PCCA: variants seen among roughly 807,000 people sequenced by gnomAD.
PCCA encodes propionyl-CoA carboxylase subunit alpha, also known as propionyl-CoA carboxylase alpha chain, mitochondrial.
A neutral mutation model predicts 101.3 loss-of-function variants in PCCA; 74 were observed. The observed-to-expected ratio is 0.73, with a 90% CI of 0.61 to 0.89. The LOEUF (loss-of-function observed/expected upper bound fraction) is 0.89, where lower values mean the gene tolerates loss of function less well. Among genes scored for constraint, PCCA ranks in the 40% least tolerant of loss-of-function variants. The pLI is 0.00. For missense variants in PCCA, 891 were observed against 907.0 expected (o/e 0.98, Z 0.23); for synonymous variants, 294 against 313.6 (o/e 0.94, Z 0.66).
chr13:100,480,941 C>CT (rs2083863117), intron 21 of PCCA: 1 of 152,284 alleles, frequency 6.6e-6, no homozygotes, highest in Admixed American at 6.5e-5. Flanking sequence ...CAGGGGATGC[C>CT]TAAGACTGCG....
chr13:100,483,433 A>T (rs1043385334), intron 21 of PCCA, among the ~76,000 whole-genome samples: 4 of 152,182 alleles, frequency 2.6e-5, no homozygotes, highest in African/African-American at 9.7e-5. Flanking sequence ...ATGGGCCAGG[A>T]TTCTTCCATT....
At chr13:100,523,259 G>A (rs2087454526) in intron 22 of PCCA, among the ~76,000 whole-genome samples, 1 of 152,158 alleles carries the variant, frequency 6.6e-6, no homozygotes, top group South Asian at 2.1e-4. Flanking sequence ...TAAATCATTA[G>A]CACAACAAAG....
chr13:100,178,030 G>A (rs77345696), intron 6 of PCCA, among the ~76,000 whole-genome samples: 2,942 of 152,224 alleles, frequency 0.019, 38 homozygotes, highest in South Asian at 0.033. Context: ...CAACATTTCT[G>A]GGATGAGTTT....
intron 18 of PCCA, among the ~76,000 whole-genome samples, chr13:100,341,502 C>G (rs372045834): frequency 6.6e-6 from 1 of 152,144 alleles, no homozygotes; most frequent in South Asian, 2.1e-4. Flanking sequence ...TCAAAGTTAC[C>G]GGAAACGTGG....
chr13:100,167,340 A>G (rs2055149312), intron 6 of PCCA, among the ~76,000 whole-genome samples: 1 of 152,062 alleles, frequency 6.6e-6, no homozygotes. Context: ...CTTGAGTCCA[A>G]GAGTTCCAGA....
intron 12 of PCCA, among the ~76,000 whole-genome samples, chr13:100,291,002 A>T (rs888450587): frequency 9.9e-5 from 15 of 152,262 alleles, no homozygotes; most frequent in African/African-American, 2.9e-4. Flanking sequence ...ATTTAAAAAT[A>T]AAATGAAAAT....
intron 7 of PCCA, among the ~76,000 whole-genome samples, chr13:100,228,856 C>T (rs1460299988): frequency 1.3e-5 from 2 of 148,568 alleles, no homozygotes; most frequent in African/African-American, 2.5e-5. Context: ...GCGGGGATCG[C>T]TCCATTGCAC....
At chr13:100,382,083 C>T (rs1464025118) in intron 19 of PCCA, among the ~76,000 whole-genome samples, 5 of 152,204 alleles carry the variant, frequency 3.3e-5, no homozygotes, top group South Asian at 2.1e-4. Context: ...AAAGGGCCAG[C>T]GTAACAACCT....
chr13:100,164,258 G>C (rs928072509), intron 6 of PCCA, among the ~76,000 whole-genome samples: 25 of 152,290 alleles, frequency 1.6e-4, no homozygotes, highest in Admixed American at 1.2e-3. Context: ...GGAACAAAGA[G>C]AAGGTTGAAG....
At chr13:100,229,790 T>C (rs1468930501) in intron 7 of PCCA, among the ~76,000 whole-genome samples, 1 of 152,244 alleles carries the variant, frequency 6.6e-6, no homozygotes, top group Non-Finnish European at 1.5e-5. Flanking sequence ...TGCTGGCGAA[T>C]GTACCCTTTC....
chr13:100,412,855 T>G (rs1179809533), intron 19 of PCCA, among the ~76,000 whole-genome samples: 1 of 152,182 alleles, frequency 6.6e-6, no homozygotes, highest in Non-Finnish European at 1.5e-5. Context: ...AAAAGGAGTT[T>G]TATTGTTCAT....
chr13:100,264,112 G>A (rs1309482908), intron 10 of PCCA, among the ~76,000 whole-genome samples: 2 of 106,206 alleles, frequency 1.9e-5, no homozygotes, highest in African/African-American at 3.4e-5. Flanking sequence ...TATATATACG[G>A]TATCTGTATA....
chr13:100,368,598 T>G (rs769003526), intron 19 of PCCA, 24 bp downstream of exon 19: 2 of 1,373,952 alleles, frequency 1.5e-6, no homozygotes, highest in East Asian at 2.3e-5. Context: ...CTTTATTTTC[T>G]TGGTAATCTT....
At chr13:100,278,191 G>C (rs1418305135) in intron 12 of PCCA, among the ~76,000 whole-genome samples, 2 of 152,168 alleles carry the variant, frequency 1.3e-5, no homozygotes, top group Admixed American at 1.3e-4. Flanking sequence ...GGGAAATCAT[G>C]TTTTTGGTTA....
chr13:100,508,381 C>T (rs908878316), intron 21 of PCCA, among the ~76,000 whole-genome samples: 6 of 152,216 alleles, frequency 3.9e-5, no homozygotes, highest in Non-Finnish European at 7.3e-5. Flanking sequence ...CGTTGAGCCT[C>T]CTTGTGGCAC....
At chr13:100,510,561 C>A (rs1169289946) in intron 21 of PCCA, among the ~76,000 whole-genome samples, 1 of 152,164 alleles carries the variant, frequency 6.6e-6, no homozygotes, top group Non-Finnish European at 1.5e-5. Context: ...AAGAAAATAG[C>A]CTTTTGTCAT....
At chr13:100,258,971 C>T (rs2062260616) in intron 9 of PCCA, among the ~76,000 whole-genome samples, 1 of 152,116 alleles carries the variant, frequency 6.6e-6, no homozygotes, top group Non-Finnish European at 1.5e-5. Context: ...TAAGAAGTTG[C>T]TCTATGTCCC....
chr13:100,472,534 C>T (rs1201660279), intron 21 of PCCA, among the ~76,000 whole-genome samples: 2 of 152,140 alleles, frequency 1.3e-5, no homozygotes, highest in African/African-American at 2.4e-5. Context: ...GGGGCACACC[C>T]CTCCATGCAG....
intron 21 of PCCA, among the ~76,000 whole-genome samples, chr13:100,494,660 G>T (rs1425855799): frequency 7.1e-6 from 1 of 141,700 alleles, no homozygotes; most frequent in Non-Finnish European, 1.5e-5. Context: ...TCTAGCCTGG[G>T]CAACAAGAGC....
Sources: gnomAD v4.1 joint callset for allele counts (sites outside exome capture counted in the v4.1 genomes callset) on GRCh38, gnomAD v4.1.1 for gene constraint, MANE v1.5 for transcripts, NCBI Gene and HGNC (gene_info 2026-07-23, HGNC 2026-07-21) for gene names.